The following RASEF variants were observed in gnomAD, a reference collection of about 807,000 sequenced individuals.
RASEF encodes the protein ras and EF-hand domain-containing protein.
RASEF carries 68 observed loss-of-function variants against 90.1 expected under a neutral mutation model. The ratio of observed to expected loss-of-function variants is 0.75; its 90% CI spans 0.62 to 0.92. RASEF has a LOEUF of 0.92. Ranked by LOEUF, RASEF falls within the 40% of genes least tolerant of loss-of-function variation. RASEF has a pLI of 0.00. For synonymous variants in RASEF, 331 were observed against 345.2 expected (o/e 0.96, Z 0.46); for missense variants, 949 against 937.2 (o/e 1.01, Z -0.16).
the RASEF span, among the ~76,000 whole-genome samples, chr9:83,115,032 T>C: frequency 2.0e-5 from 3 of 152,158 alleles, no homozygotes; most frequent in Admixed American, 6.5e-5. Flanking sequence ...CCTGCCGACA[T>C]GTGATGTCTC....
the RASEF span, among the ~76,000 whole-genome samples, chr9:83,179,453 T>A: frequency 2.0e-5 from 3 of 152,156 alleles, no homozygotes; most frequent in African/African-American, 7.2e-5. Context: ...ACTATTTATT[T>A]ATATCAAGGA....
At chr9:83,104,995 G>C in the RASEF span, among the ~76,000 whole-genome samples, 1 of 152,126 alleles carries the variant, frequency 6.6e-6, no homozygotes, top group African/African-American at 2.4e-5. Context: ...GATGAGCTAG[G>C]AGGAGGAAAG....
At chr9:83,084,269 A>G in the RASEF span, among the ~76,000 whole-genome samples, 6 of 152,312 alleles carry the variant, frequency 3.9e-5, no homozygotes, top group Admixed American at 3.9e-4. Flanking sequence ...TAAATTAGTA[A>G]TCAGCACACT....
At chr9:83,147,599 G>T in the RASEF span, among the ~76,000 whole-genome samples, 1 of 152,176 alleles carries the variant, frequency 6.6e-6, no homozygotes, top group East Asian at 1.9e-4. Context: ...GTCTAGGGGT[G>T]GGTGCCTGCG....
chr9:83,021,450 C>T (rs1829442439), intron 3 of RASEF, among the ~76,000 whole-genome samples: 2 of 152,170 alleles, frequency 1.3e-5, no homozygotes, highest in African/African-American at 2.4e-5. Flanking sequence ...TTTCAATAAA[C>T]ATTAATCACC....
chr9:82,999,176 G>A (rs776148397), intron 12 of RASEF, among the ~76,000 whole-genome samples: 8 of 146,780 alleles, frequency 5.5e-5, no homozygotes, highest in Admixed American at 2.7e-4. Context: ...AAAAATAAAT[G>A]ATAATTTGCA....
the RASEF span, among the ~76,000 whole-genome samples, chr9:83,133,683 C>A: frequency 2.6e-5 from 4 of 152,044 alleles, no homozygotes; most frequent in East Asian, 5.8e-4. Context: ...ATCTCAGTAA[C>A]CAAGTTAAAT....
At chr9:83,136,797 CTTTA>C in the RASEF span, among the ~76,000 whole-genome samples, 3 of 151,980 alleles carry the variant, frequency 2.0e-5, no homozygotes, top group African/African-American at 4.8e-5. Context: ...ATAGTTTACA[CTTTA>C]TTTATCCTTT....
Position 83,000,163 on chromosome 9 carries a change from C to G in RASEF, c.1723+6G>C, listed in dbSNP as rs569521838. 4.3e-6 allele frequency: 7 copies of G among 1,611,348 alleles called. No homozygotes were observed. In the Admixed American group the frequency reaches 5.0e-5, roughly 12 times the overall value. ...TTCCCATTATCAACCGAAATACGAGCCATACCCAGGGTGGCGCTTATATTT... is the reference window on the plus strand; with the variant it reads ...TTCCCATTATCAACCGAAATACGAGGCATACCCAGGGTGGCGCTTATATTT... On this transcript the variant is annotated splice_donor_region_variant and intron_variant, in intron 12 of 16. Transcript: ENST00000376447.
At chr9:83,187,623 C>A in the RASEF span, among the ~76,000 whole-genome samples, 1 of 152,124 alleles carries the variant, frequency 6.6e-6, no homozygotes, top group Non-Finnish European at 1.5e-5. Flanking sequence ...TAAAATCCTT[C>A]CTAGTTTAAT....
At chr9:83,112,687 C>CAAAAA in the RASEF span, among the ~76,000 whole-genome samples, 6 of 115,304 alleles carry the variant, frequency 5.2e-5, no homozygotes, top group African/African-American at 1.9e-4. Flanking sequence ...AACTCGGTCT[C>CAAAAA]AAAAAAAAAA....
At chr9:83,061,071 T>C (rs1269472223) in intron 1 of RASEF, among the ~76,000 whole-genome samples, 1 of 152,138 alleles carries the variant, frequency 6.6e-6, no homozygotes, top group African/African-American at 2.4e-5. Flanking sequence ...ATTCCTAAAA[T>C]TCTTACTTTT....
chr9:83,074,908 C>A, the RASEF span, among the ~76,000 whole-genome samples: 1 of 152,166 alleles, frequency 6.6e-6, no homozygotes, highest in Non-Finnish European at 1.5e-5. Context: ...ACATAGTAAT[C>A]AACCTGTAGG....
chr9:83,199,150 A>G, the RASEF span, among the ~76,000 whole-genome samples: 9 of 151,146 alleles, frequency 6.0e-5, no homozygotes, highest in Admixed American at 6.0e-4. Context: ...ACTGGTTTGC[A>G]CATTCGGAAG....
the RASEF span, among the ~76,000 whole-genome samples, chr9:83,189,147 G>A: frequency 2.0e-5 from 3 of 152,196 alleles, no homozygotes; most frequent in African/African-American, 4.8e-5. Context: ...GGGCCCAGTG[G>A]CAGGTAATTG....
the RASEF span, among the ~76,000 whole-genome samples, chr9:83,098,840 A>G: frequency 1.3e-5 from 2 of 152,160 alleles, no homozygotes; most frequent in Non-Finnish European, 2.9e-5. Flanking sequence ...CCATGATTCC[A>G]TTATCTCCAT....
chr9:83,048,952 T>C (rs1290976039), intron 1 of RASEF: 1 of 172,638 alleles, frequency 5.8e-6, no homozygotes, highest in African/African-American at 2.4e-5. Flanking sequence ...AACACAGTAC[T>C]ATCTGTACTA....
At chr9:83,167,095 C>G in the RASEF span, among the ~76,000 whole-genome samples, 2 of 151,612 alleles carry the variant, frequency 1.3e-5, no homozygotes, top group Admixed American at 1.3e-4. Flanking sequence ...CAAAGTAGCA[C>G]TTTTTTTTTC....
the RASEF span, among the ~76,000 whole-genome samples, chr9:83,149,444 T>C: frequency 1.3e-5 from 2 of 152,088 alleles, no homozygotes; most frequent in African/African-American, 4.8e-5. Flanking sequence ...GGTTGGATAT[T>C]ACAGGATAAA....
Sources: allele counts gnomAD v4.1 joint callset (sites outside exome capture counted in the v4.1 genomes callset), GRCh38; gene constraint gnomAD v4.1.1; transcripts MANE v1.5; gene names NCBI Gene and HGNC (gene_info 2026-07-23, HGNC 2026-07-21).